Variants in RIOK1 observed in about 807,000 individuals in gnomAD.
RIOK1 encodes the protein serine/threonine-protein kinase RIO1.
In RIOK1, 66 loss-of-function variants were observed where a neutral mutation model predicts 73.5. The ratio of observed to expected loss-of-function variants is 0.90; its 90% CI spans 0.74 to 1.10. The LOEUF is 1.10. RIOK1 is among the 50% of genes least tolerant of loss of function. The probability of loss-of-function intolerance (pLI) is 0.00; values close to 1 mark genes in which losing one functional copy is unlikely to be tolerated. For synonymous variants in RIOK1, 224 were observed against 226.8 expected (o/e 0.99, Z 0.11); for missense variants, 658 against 699.8 (o/e 0.94, Z 0.67).
intron 1 of RIOK1, among the ~76,000 whole-genome samples, chr6:7,390,749 G>A (rs1761311651): frequency 6.6e-6 from 1 of 152,254 alleles, no homozygotes; most frequent in Admixed American, 6.5e-5. Context: ...AGGGGGGCCA[G>A]ATCATGGAGA....
At chr6:7,414,041 G>GCCTT (rs2113531246) in intron 15 of RIOK1, among the ~76,000 whole-genome samples, 197 bp from the exon 16 acceptor site, 1 of 152,276 alleles carries the variant, frequency 6.6e-6, no homozygotes, top group Admixed American at 6.5e-5. Flanking sequence ...ATGTTCTGGA[G>GCCTT]CCTTACTTGG....
In RIOK1 at chr6:7,410,427, T is replaced by TTTG; in HGVS notation, c.1245_1246insTTG (p.Ser415_Ser416insLeu). Reference sequence around the variant, plus strand: ...CTCAAAGGACCAAGGAAGAACGGTCTAGCCAAGATCATGTGGATGAAGAGG... The same window carrying TTTG: ...CTCAAAGGACCAAGGAAGAACGGTCTTTGAGCCAAGATCATGTGGATGAAGAGG... On this transcript the variant is annotated inframe_insertion, in exon 13 of 17. Coordinates refer to ENST00000379834, the MANE Select transcript of RIOK1 (RefSeq NM_031480.3). The TTTG allele has an allele frequency of 6.2e-7, 1 of 1,612,598 alleles. No homozygotes were observed. The highest frequency in any genetic ancestry group is 8.5e-7 in the Non-Finnish European group (1 of 1,178,754).
chr6:7,398,211 C>A (rs1282361597), intron 4 of RIOK1, among the ~76,000 whole-genome samples: 1 of 152,014 alleles, frequency 6.6e-6, no homozygotes, highest in Non-Finnish European at 1.5e-5. Context: ...AACAGAAAGC[C>A]TTGTAAATGA....
chr6:7,402,580 C>CT (rs748668561), intron 6 of RIOK1, 23 bp from the exon 7 acceptor site: 5,237 of 1,289,136 alleles, frequency 4.1e-3, no homozygotes, highest in South Asian at 7.2e-3. Flanking sequence ...ACTTCATTTT[C>CT]TTTTTTTTTT....
chr6:7,417,455 T>C lies in RIOK1; in HGVS notation c.*14T>C. 2 of 1,434,584 alleles carry C rather than the reference T, an allele frequency of 1.4e-6. No homozygotes were observed. Among genetic ancestry groups the C allele is most frequent in the Non-Finnish European group, 1.9e-6 (2 of 1,057,548 alleles). The allele number at this position is 1,434,584 out of a possible 1,614,324, so 88.9% of individuals were successfully genotyped here. On this transcript the variant is annotated 3_prime_UTR_variant, in exon 17 of 17. Coordinates refer to ENST00000379834, the MANE Select transcript of RIOK1 (RefSeq NM_031480.3). Reference sequence around the variant, plus strand: ...AAAGGCAAATAGAATGAGAACCATATTATGTACAGTCATTTTCCTCAGTTC... The same window carrying C: ...AAAGGCAAATAGAATGAGAACCATACTATGTACAGTCATTTTCCTCAGTTC...
intron 12 of RIOK1, among the ~76,000 whole-genome samples, chr6:7,405,973 C>CTTTTTCT (rs1761735894): frequency 6.7e-6 from 1 of 150,352 alleles, no homozygotes; most frequent in Non-Finnish European, 1.5e-5. Context: ...TCTTTTCTTT[C>CTTTTTCT]TTTTTCTTTT....
intron 10 of RIOK1, among the ~76,000 whole-genome samples, 163 bp downstream of exon 10, chr6:7,404,718 C>T (rs145924365): frequency 1.3e-3 from 195 of 152,234 alleles, no homozygotes; most frequent in Middle Eastern, 6.8e-3. Context: ...CCTTAGTCAC[C>T]GAATTGACTG....
chr6:7,409,145 C>CCCCAGTAGCTGGGATTACAGGCA (rs1190174256), intron 12 of RIOK1, among the ~76,000 whole-genome samples: 3 of 152,024 alleles, frequency 2.0e-5, no homozygotes, highest in East Asian at 1.9e-4. Context: ...GCCTCAGCCT[C>CCCCAGTAGCTGGGATTACAGGCA]CCCAGTAGCT....
At chr6:7,416,613 A>G (rs1762008204) in intron 16 of RIOK1, among the ~76,000 whole-genome samples, 1 of 148,436 alleles carries the variant, frequency 6.7e-6, no homozygotes. Context: ...ACGCCACTGC[A>G]TGCCAGCCTG....
Position 7,404,441 on chromosome 6 carries a change from T to C in RIOK1, c.878T>C (p.Val293Ala). The part of the protein sequence containing the change: ...DDMPAPLLKN[V>A]QLSESKAREL... ...AGGCCTGCACCACTCTTGAAAAATG[T>C]CCAGTTATCAGAATCCAAGGCTCGG... The change falls in exon 10 of 17, where the codon GTC (valine) becomes GCC (alanine). Residue 293 changes from valine to alanine, a missense_variant. Coordinates refer to ENST00000379834, the MANE Select transcript of RIOK1 (RefSeq NM_031480.3). The C allele has an allele frequency of 6.2e-7, 1 of 1,614,122 alleles. No homozygotes were observed. Among genetic ancestry groups the C allele is most frequent in the Non-Finnish European group, 8.5e-7 (1 of 1,180,006 alleles).
At chr6:7,413,773 G>A (rs1474146446) in intron 15 of RIOK1, among the ~76,000 whole-genome samples, 1 of 152,186 alleles carries the variant, frequency 6.6e-6, no homozygotes, top group Admixed American at 6.5e-5. Flanking sequence ...TTAGACAACT[G>A]CTGAATTTCA....
Position 7,417,567 on chromosome 6 carries a change from C to T in RIOK1, c.*126C>T, listed in dbSNP as rs138491494. 6.6e-5 allele frequency: 37 copies of T among 560,228 alleles called. No homozygotes were observed. The highest frequency in any genetic ancestry group is 2.9e-4 in the African/African-American group (15 of 52,000). The allele number at this position is 560,228 out of a possible 1,614,324, so 34.7% of individuals were successfully genotyped here. ...GTCATCGTGGCACTGTCTGTGAAGA[C>T]GGATTCAAATGTTTTCATGTAACTA... On this transcript the variant is annotated 3_prime_UTR_variant, in exon 17 of 17. Transcript: ENST00000379834.
rs976111979 is a variant in RIOK1 at position 7,417,515 on chromosome 6, A to G, written c.*74A>G. 7.7e-6 allele frequency: 7 copies of G among 904,656 alleles called. No homozygotes were observed. Among genetic ancestry groups the G allele is most frequent in the Non-Finnish European group, 1.2e-5 (7 of 598,870 alleles). 56.0% of individuals were successfully genotyped at this position (904,656 alleles called of 1,614,324 possible). A position where few individuals can be genotyped will look rare whatever the true frequency, so the allele number is the denominator to read the frequency against. On this transcript the variant is annotated 3_prime_UTR_variant, in exon 17 of 17. Coordinates refer to ENST00000379834, the MANE Select transcript of RIOK1 (RefSeq NM_031480.3). ...CCTGAACTCTTAAGCTGCATCTGGA[A>G]GATGGCTTATTGGTTTTAACCAGAT...
At chr6:7,403,014 A>C (rs1443989799) in intron 8 of RIOK1, 117 bp downstream of exon 8, 1 of 762,074 alleles carries the variant, frequency 1.3e-6, no homozygotes, top group Non-Finnish European at 2.1e-6. Flanking sequence ...TAGGGCCTTT[A>C]TTTCTATTAG....
chr6:7,408,939 T>C (rs1402768288), intron 12 of RIOK1, among the ~76,000 whole-genome samples: 1 of 152,048 alleles, frequency 6.6e-6, no homozygotes, highest in Non-Finnish European at 1.5e-5. Context: ...CAGGCTGGCC[T>C]TGAACTCCTG....
intron 16 of RIOK1, among the ~76,000 whole-genome samples, chr6:7,416,888 CT>C (rs1762017704): frequency 6.6e-6 from 1 of 152,128 alleles, no homozygotes; most frequent in African/African-American, 2.4e-5. Flanking sequence ...ATTTTCTTTT[CT>C]TTTCTTTACA....
intron 11 of RIOK1, 93 bp from the exon 12 acceptor site, chr6:7,405,156 A>G (rs1761713950): frequency 1.9e-6 from 2 of 1,029,316 alleles, no homozygotes; most frequent in South Asian, 1.4e-5. Flanking sequence ...GGGAGATGGT[A>G]TGTAATTTTA....
At chr6:7,402,219 C>T (rs548850346) in intron 6 of RIOK1, among the ~76,000 whole-genome samples, 44 of 152,238 alleles carry the variant, frequency 2.9e-4, no homozygotes, top group African/African-American at 7.9e-4. Context: ...TCAGGCTATA[C>T]GGTAGTTCCG....
In RIOK1 at chr6:7,404,515, G is replaced by A. The variant is rs748291152; in HGVS notation, c.952G>A (p.Ala318Thr). 1.2e-6 allele frequency: 2 copies of A among 1,614,120 alleles called. No homozygotes were observed. The highest frequency in any genetic ancestry group is 2.2e-5 in the East Asian group (1 of 44,874). Residue 318 changes from alanine to threonine, a missense_variant, in exon 10 of 17, where the codon GCC (alanine) becomes ACC (threonine). Transcript: ENST00000379834. ...IQYMRRMYQD[A>T]RLVHADLSEF... is the part of the protein sequence containing the mutation. Reference sequence around the variant, plus strand: ...GTACATGAGAAGAATGTATCAGGATGCCAGACTTGTCCATGCAGATCTCAG... The same window carrying A: ...GTACATGAGAAGAATGTATCAGGATACCAGACTTGTCCATGCAGATCTCAG...
Sources: gnomAD v4.1 joint callset for allele counts (sites outside exome capture counted in the v4.1 genomes callset) on GRCh38, gnomAD v4.1.1 for gene constraint, MANE v1.5 for transcripts, NCBI Gene and HGNC (gene_info 2026-07-23, HGNC 2026-07-21) for gene names.